The following PPFIBP2 variants were observed in gnomAD, a reference collection of about 807,000 sequenced individuals.
The protein encoded by PPFIBP2 is liprin-beta-2.
PPFIBP2 carries 118 observed loss-of-function variants against 118.3 expected under a neutral mutation model. The ratio of observed to expected loss-of-function variants is 1.00; its 90% CI spans 0.86 to 1.16. PPFIBP2 has a LOEUF of 1.16. Ranked by LOEUF, PPFIBP2 falls within the 50% of genes most tolerant of loss-of-function variation. The pLI is 0.00. For missense variants in PPFIBP2, 1,195 were observed against 1,073.1 expected (o/e 1.11, Z -1.59); for synonymous variants, 414 against 397.4 (o/e 1.04, Z -0.50).
At chr11:7,642,488 A>T (rs1852343906) in intron 17 of PPFIBP2, 62 bp downstream of exon 17, 4 of 1,538,820 alleles carry the variant, frequency 2.6e-6, no homozygotes, top group Admixed American at 2.0e-5. Flanking sequence ...CTCCCTTCAA[A>T]CCTGCATGGG....
At chr11:7,635,043 A>T (rs1851270953) in intron 13 of PPFIBP2, among the ~76,000 whole-genome samples, 1 of 152,122 alleles carries the variant, frequency 6.6e-6, no homozygotes, top group Non-Finnish European at 1.5e-5. Flanking sequence ...AAGAGTCTGG[A>T]AAGATGGAGG....
At chr11:7,666,417 G>T in the PPFIBP2 span, 1 of 1,400,794 alleles carries the variant, frequency 7.1e-7, no homozygotes, top group South Asian at 1.2e-5. Flanking sequence ...GGTTGGTGCT[G>T]ACCCATGGTG....
At chr11:7,527,091 A>C (rs891685999) in intron 1 of PPFIBP2, among the ~76,000 whole-genome samples, 1 of 150,180 alleles carries the variant, frequency 6.7e-6, no homozygotes, top group Admixed American at 6.6e-5. Flanking sequence ...GTCCTCCTGG[A>C]TCACTCCCTT....
intron 4 of PPFIBP2, among the ~76,000 whole-genome samples, chr11:7,596,093 T>G (rs1473308950): frequency 6.6e-6 from 1 of 152,210 alleles, no homozygotes; most frequent in African/African-American, 2.4e-5. Flanking sequence ...AGCTGAACAA[T>G]TAGCTATAGA....
intron 22 of PPFIBP2, 75 bp from the exon 23 acceptor site, chr11:7,651,581 C>A: frequency 7.2e-7 from 1 of 1,397,608 alleles, no homozygotes; most frequent in Non-Finnish European, 9.9e-7. Context: ...CCCCAACAGG[C>A]CAGTCTCTCA....
intron 4 of PPFIBP2, among the ~76,000 whole-genome samples, chr11:7,596,167 C>A (rs1860250850): frequency 1.3e-5 from 2 of 152,132 alleles, no homozygotes; most frequent in South Asian, 2.1e-4. Context: ...TGGTATAGAC[C>A]ATAGAAATGT....
In PPFIBP2 at chr11:7,630,963, C is replaced by A; in HGVS notation, c.1003C>A (p.Pro335Thr). Residue 335 changes from proline (P) to threonine (T), a missense_variant, in exon 11 of 24, where the codon CCG becomes ACG. Physicochemically the swap from Pro to Thr is conservative, Grantham distance 38. Transcript: ENST00000299492. The part of the protein sequence containing the change: ...ERTLSINEEE[P>T]EGGFSKWNAT... ...AACTCTCTCAATCAATGAAGAAGAA[C>A]CGGAGGGAGGTTTCAGCAAGTGGAA... 2 of 1,614,050 alleles carry A rather than the reference C, an allele frequency of 1.2e-6. No individual in the cohort carries two copies. Among genetic ancestry groups the A allele is most frequent in the Non-Finnish European group, 1.7e-6 (2 of 1,179,970 alleles).
rs373063926 is a variant in PPFIBP2 at position 7,586,597 on chromosome 11, A to G, written c.280-6535A>G. On this transcript the variant is annotated intron_variant, in intron 3 of 23. Coordinates refer to ENST00000299492, the MANE Select transcript of PPFIBP2 (RefSeq NM_003621.5). ...CCGTGAAGCATGATTTTTTCTATTGAAAGGATGGAAAGCCTGAGATGAGGT... is the reference window on the plus strand; with the variant it reads ...CCGTGAAGCATGATTTTTTCTATTGGAAGGATGGAAAGCCTGAGATGAGGT... Among the ~76,000 whole-genome samples the G allele has an allele frequency of 8.5e-5, 13 of 152,320 alleles. No homozygotes were observed. The South Asian group carries it at 2.5e-3, about 29-fold the overall frequency.
chr11:7,563,542 C>T (rs1854589955), intron 2 of PPFIBP2, among the ~76,000 whole-genome samples: 1 of 152,056 alleles, frequency 6.6e-6, no homozygotes, highest in African/African-American at 2.4e-5. Context: ...TGGATTTCTG[C>T]CTGGCAAGGA....
chr11:7,571,430 A>G (rs74722337), intron 3 of PPFIBP2, among the ~76,000 whole-genome samples: 5 of 151,112 alleles, frequency 3.3e-5, no homozygotes, highest in African/African-American at 9.8e-5. Flanking sequence ...CAAAAAAAAA[A>G]GTGGAGAGAA....
chr11:7,627,000 G>C (rs1850105774), intron 8 of PPFIBP2, among the ~76,000 whole-genome samples: 1 of 152,196 alleles, frequency 6.6e-6, no homozygotes. Flanking sequence ...AGGCCTGCTT[G>C]TAGAGGCTGG....
intron 1 of PPFIBP2, among the ~76,000 whole-genome samples, chr11:7,531,676 G>T (rs1184185374): frequency 6.6e-6 from 1 of 152,122 alleles, no homozygotes; most frequent in Admixed American, 6.5e-5. Flanking sequence ...AAATGGGGGT[G>T]TGTGTTAGTT....
intron 21 of PPFIBP2, among the ~76,000 whole-genome samples, chr11:7,650,250 T>C (rs1853781680): frequency 6.6e-6 from 1 of 152,270 alleles, no homozygotes; most frequent in African/African-American, 2.4e-5. Flanking sequence ...CCTCTGTTCC[T>C]GGGAACTAGG....
intron 5 of PPFIBP2, among the ~76,000 whole-genome samples, chr11:7,607,209 CTTTT>C (rs55981312): frequency 2.5e-5 from 3 of 120,032 alleles, no homozygotes; most frequent in Non-Finnish European, 1.7e-5. Flanking sequence ...CGCGCCCGGC[CTTTT>C]TTTTTTTTTT....
rs368874771 is a variant in PPFIBP2 at position 7,565,709 on chromosome 11, T to G, written c.221T>G (p.Leu74Arg). ...CTTCCTCAGGAGAGAGCAGCCCTCC[T>G]GAGCCAGATCCCTGGCCCAACAGCT... is the stretch of plus-strand genomic sequence containing the variant. ...LELPQERAAL[L>R]SQIPGPTAAY... The change falls in exon 3 of 24, where the codon CTG becomes CGG. Residue 74 changes from leucine (L) to arginine (R), a missense_variant. Leu to Arg is a moderately radical substitution (Grantham distance 102). Coordinates refer to ENST00000299492, the MANE Select transcript of PPFIBP2 (RefSeq NM_003621.5). 7 of 1,614,194 alleles carry G rather than the reference T, an allele frequency of 4.3e-6. No homozygotes were observed. In the African/African-American group the frequency reaches 6.7e-5, roughly 15 times the overall value.
At chr11:7,621,894 A>G (rs187440417) in intron 7 of PPFIBP2, among the ~76,000 whole-genome samples, 152 of 152,334 alleles carry the variant, frequency 1.0e-3, no homozygotes, top group African/African-American at 3.5e-3. Context: ...TAATTATTAT[A>G]AAAACAATAA....
chr11:7,605,107 T>C (rs1342339205), intron 5 of PPFIBP2, among the ~76,000 whole-genome samples: 2 of 152,318 alleles, frequency 1.3e-5, no homozygotes, highest in African/African-American at 2.4e-5. Flanking sequence ...CCTGGAAGTA[T>C]TCTGAACTAG....
chr11:7,662,388 A>T, the PPFIBP2 span, among the ~76,000 whole-genome samples: 1 of 151,962 alleles, frequency 6.6e-6, no homozygotes, highest in East Asian at 1.9e-4. Flanking sequence ...AAAGTGTTTT[A>T]TTTCTCCTTC....
At chr11:7,524,060 G>A (rs549216461) in intron 1 of PPFIBP2, among the ~76,000 whole-genome samples, 24 of 152,242 alleles carry the variant, frequency 1.6e-4, no homozygotes, top group Non-Finnish European at 1.0e-4. Flanking sequence ...CTGGCGAAAG[G>A]TTCAGAGAAC....
Sources: allele counts gnomAD v4.1 joint callset (sites outside exome capture counted in the v4.1 genomes callset), GRCh38; gene constraint gnomAD v4.1.1; transcripts MANE v1.5; gene names NCBI Gene and HGNC (gene_info 2026-07-23, HGNC 2026-07-21).